The following NOS1AP variants were observed in gnomAD, a reference collection of about 807,000 sequenced individuals.
The protein encoded by NOS1AP is nitric oxide synthase 1 adaptor protein, also known as carboxyl-terminal PDZ ligand of neuronal nitric oxide synthase protein.
Under a neutral mutation model 56.2 loss-of-function variants are expected in NOS1AP, and 21 were observed. The observed-to-expected ratio is 0.37, with a 90% confidence interval of 0.26 to 0.54. The LOEUF (loss-of-function observed/expected upper bound fraction) is 0.54. Ranked by LOEUF, NOS1AP falls within the 20% of genes least tolerant of loss-of-function variation. The pLI, the probability that NOS1AP is intolerant of heterozygous loss-of-function variation, is 0.84. For missense variants in NOS1AP, 522 were observed against 657.8 expected, an observed-to-expected ratio of 0.79 and a Z score of 2.26; for synonymous variants, 270 against 274.6, an observed-to-expected ratio of 0.98 and a Z score of 0.17.
rs1355742065 is a variant in NOS1AP, at chr1:162,264,456, T to TCTCC, written c.178-22888_178-22887insCTCC. 4.7e-4 allele frequency among the ~76,000 whole-genome samples: 18 copies of TCTCC among 38,176 alleles called. 3 individuals are homozygous for TCTCC. The highest frequency in any genetic ancestry group is 1.5e-3 in the African/African-American group (5 of 3,410). The allele number at this position is 38,176 out of a possible 152,430, so 25.0% of individuals were successfully genotyped here. On this transcript the variant is annotated intron_variant, in intron 2 of 9. Transcript: ENST00000361897. ...TTCTCTTCTCTTCTCTTCTCTTCTC[T>TCTCC]TCTCTTCTCCTCCCCTCCCCTCCCC...
At chr1:162,360,770 G>A (rs774688320) in intron 8 of NOS1AP, 1 of 456,046 alleles carries the variant, frequency 2.2e-6, no homozygotes, top group South Asian at 1.5e-5. Context: ...CCTGCCATGT[G>A]CATGCTGAGA....
At chr1:162,303,904 CT>C (rs35658165) in intron 4 of NOS1AP, among the ~76,000 whole-genome samples, 11,489 of 110,646 alleles carry the variant, frequency 0.1, 647 homozygotes, top group African/African-American at 0.21. Context: ...TCTGGCTTGT[CT>C]TTTTTTTTTT....
chr1:162,095,363 C>T (rs546745403), intron 1 of NOS1AP, among the ~76,000 whole-genome samples: 1 of 152,272 alleles, frequency 6.6e-6, no homozygotes, highest in South Asian at 2.1e-4. Context: ...TGTCTGCAAA[C>T]CAGGAAGAAA....
At chr1:162,344,625 T>C (rs371101821) in intron 6 of NOS1AP, among the ~76,000 whole-genome samples, 13 of 151,498 alleles carry the variant, frequency 8.6e-5, no homozygotes, top group East Asian at 5.8e-4. Context: ...GCAGGAGAAT[T>C]GCTTCAACTC....
At chr1:162,232,533 A>AGTGTGT (rs60922543) in intron 2 of NOS1AP, among the ~76,000 whole-genome samples, 1 of 150,252 alleles carries the variant, frequency 6.7e-6, no homozygotes, top group African/African-American at 2.4e-5. Context: ...TTGTGCTTAG[A>AGTGTGT]GTGTGTGTGT....
chr1:162,167,687 G>A (rs775588860), intron 2 of NOS1AP, among the ~76,000 whole-genome samples: 1 of 152,184 alleles, frequency 6.6e-6, no homozygotes. Context: ...CTCCCGAGCC[G>A]CTAAGACATA....
chr1:162,183,207 C>T (rs1651320972), intron 2 of NOS1AP, among the ~76,000 whole-genome samples: 2 of 152,138 alleles, frequency 1.3e-5, no homozygotes, highest in Admixed American at 6.5e-5. Context: ...TAACCAGGTG[C>T]ATTGTTAATG....
intron 9 of NOS1AP, 79 bp from the exon 10 acceptor site, chr1:162,366,973 G>C (rs1471332641): frequency 7.7e-6 from 12 of 1,559,792 alleles, no homozygotes; most frequent in Non-Finnish European, 9.7e-6. Context: ...GGCAGGGCAC[G>C]GGCGGGCAGA....
intron 2 of NOS1AP, among the ~76,000 whole-genome samples, chr1:162,219,310 C>T (rs1652688258): frequency 6.6e-6 from 1 of 152,214 alleles, no homozygotes; most frequent in African/African-American, 2.4e-5. Context: ...TCTCTAAGGA[C>T]AGGGGAAGCT....
chr1:162,230,766 C>CTTAT (rs1229627856), intron 2 of NOS1AP, among the ~76,000 whole-genome samples: 112 of 152,256 alleles, frequency 7.4e-4, no homozygotes, highest in African/African-American at 2.6e-3. Context: ...TTGTAATGGG[C>CTTAT]TTATTTCACT....
intron 2 of NOS1AP, among the ~76,000 whole-genome samples, chr1:162,251,017 A>G (rs1403472779): frequency 1.3e-5 from 2 of 152,148 alleles, no homozygotes; most frequent in African/African-American, 2.4e-5. Flanking sequence ...TCATACTTCC[A>G]GGGGAGGAGA....
intron 1 of NOS1AP, among the ~76,000 whole-genome samples, chr1:162,105,381 A>G (rs1647454765): frequency 6.6e-6 from 1 of 152,200 alleles, no homozygotes; most frequent in African/African-American, 2.4e-5. Flanking sequence ...GTCAGGAGGA[A>G]TGGGATCAGG....
intron 8 of NOS1AP, 81 bp from the exon 9 acceptor site, chr1:162,365,323 A>G: frequency 1.2e-6 from 2 of 1,605,138 alleles, no homozygotes; most frequent in Non-Finnish European, 1.7e-6. Context: ...GGTCCCGGCC[A>G]TCTGCCAGTG....
intron 2 of NOS1AP, among the ~76,000 whole-genome samples, chr1:162,205,775 A>C (rs1007642440): frequency 6.6e-6 from 1 of 152,220 alleles, no homozygotes; most frequent in African/African-American, 2.4e-5. Context: ...GCCATCAAGC[A>C]AAATTCTGAA....
In NOS1AP at chr1:162,368,441, A is replaced by AAAAAAAAG. The variant is rs1246579092; in HGVS notation, c.*981_*982insGAAAAAAA. ...CAGTGGTGGTCAGTTTTTACTGCAA[A>AAAAAAAAG]AAAAAAAAAAGAAAAAAGAGAAAGA... On this transcript the variant is annotated 3_prime_UTR_variant, in exon 10 of 10. Transcript: ENST00000361897. 2 of 41,204 alleles carry AAAAAAAAG rather than the reference A, an allele frequency of 4.9e-5. No individual in the cohort carries two copies. Among genetic ancestry groups the AAAAAAAAG allele is most frequent in the African/African-American group, 1.6e-4 (2 of 12,648 alleles). 2.6% of individuals were successfully genotyped at this position (41,204 alleles called of 1,614,324 possible).
At chr1:162,243,306 A>G (rs977886354) in intron 2 of NOS1AP, among the ~76,000 whole-genome samples, 1 of 152,164 alleles carries the variant, frequency 6.6e-6, no homozygotes, top group Non-Finnish European at 1.5e-5. Flanking sequence ...CAGGTGAGGA[A>G]GGCAATGATG....
intron 2 of NOS1AP, among the ~76,000 whole-genome samples, chr1:162,268,964 A>C (rs10919024): frequency 0.2 from 30,031 of 152,068 alleles, 3,318 homozygotes; most frequent in East Asian, 0.42. Flanking sequence ...ATACAAGAAA[A>C]ACTTCCAAAT....
chr1:162,135,022 C>T (rs1648929645), intron 1 of NOS1AP, among the ~76,000 whole-genome samples: 1 of 152,210 alleles, frequency 6.6e-6, no homozygotes, highest in African/African-American at 2.4e-5. Context: ...CTATTTCTAT[C>T]CAACCAACTA....
intron 4 of NOS1AP, among the ~76,000 whole-genome samples, chr1:162,328,831 G>A (rs531450544): frequency 1.3e-5 from 2 of 152,374 alleles, no homozygotes; most frequent in African/African-American, 2.4e-5. Context: ...TTGTTAGAGA[G>A]TGAATTGCCT....
Sources: gnomAD v4.1 joint callset for allele counts (sites outside exome capture counted in the v4.1 genomes callset) on GRCh38, gnomAD v4.1.1 for gene constraint, MANE v1.5 for transcripts, NCBI Gene and HGNC (gene_info 2026-07-23, HGNC 2026-07-21) for gene names.